The following RGS6 variants were observed in gnomAD, a reference collection of about 807,000 sequenced individuals.
RGS6 encodes the protein regulator of G protein signaling 6.
A neutral mutation model predicts 78.5 loss-of-function variants in RGS6; 30 were observed. That is an observed-to-expected ratio of 0.38 (90% confidence interval 0.29 to 0.52). RGS6 has a LOEUF of 0.52. Among genes scored for constraint, RGS6 ranks in the 20% least tolerant of loss-of-function variants. RGS6 has a pLI of 0.85. For missense variants in RGS6, 495 were observed against 609.7 expected, an observed-to-expected ratio of 0.81 and a Z score of 1.98; for synonymous variants, 206 against 206.0, an observed-to-expected ratio of 1.00 and a Z score of 0.00.
In RGS6 at chr14:72,458,266, T is replaced by C. The variant is rs759538748; in HGVS notation, c.236-5T>C. On this transcript the variant is annotated splice_region_variant and splice_polypyrimidine_tract_variant and intron_variant, in intron 4 of 17. Transcript: ENST00000553525. ...TCCTTCTCTCTCTATGCACTGTTCT[T>C]ACAGTTGAAGCAATACACTTGGGGA... 3.1e-6 allele frequency: 5 copies of C among 1,609,160 alleles called. No individual in the cohort carries two copies. The South Asian group carries it at 5.5e-5, about 18-fold the overall frequency.
At chr14:72,002,230 T>G (rs1306245819) in intron 2 of RGS6, among the ~76,000 whole-genome samples, 1 of 152,070 alleles carries the variant, frequency 6.6e-6, no homozygotes, top group Non-Finnish European at 1.5e-5. Flanking sequence ...TATTGAGAGA[T>G]AGGCACCCCA....
At chr14:72,406,165 T>A (rs1348688917) in intron 3 of RGS6, among the ~76,000 whole-genome samples, 3 of 152,164 alleles carry the variant, frequency 2.0e-5, no homozygotes, top group Admixed American at 6.5e-5. Context: ...GGCAGGCAGA[T>A]CATGAGGTCA....
intron 2 of RGS6, among the ~76,000 whole-genome samples, chr14:72,326,641 G>A (rs2073840985): frequency 6.6e-6 from 1 of 152,120 alleles, no homozygotes; most frequent in African/African-American, 2.4e-5. Context: ...TGTGCTTCCT[G>A]TACAGCCTGA....
chr14:72,234,828 G>A (rs1048256121), intron 2 of RGS6, among the ~76,000 whole-genome samples: 1 of 152,006 alleles, frequency 6.6e-6, no homozygotes, highest in Middle Eastern at 3.2e-3. Context: ...TGGTATCTTT[G>A]CATCTCACCA....
At chr14:71,899,474 A>C in the RGS6 span, among the ~76,000 whole-genome samples, 3 of 152,216 alleles carry the variant, frequency 2.0e-5, no homozygotes, top group East Asian at 5.8e-4. Context: ...CACAATGAGT[A>C]ACAAGTATGT....
chr14:72,264,840 C>T (rs1449194010), intron 2 of RGS6, among the ~76,000 whole-genome samples: 1 of 152,160 alleles, frequency 6.6e-6, no homozygotes, highest in Non-Finnish European at 1.5e-5. Context: ...ATCACGATAT[C>T]TCAGTTATCC....
chr14:72,265,589 A>T (rs1382223652), intron 2 of RGS6, among the ~76,000 whole-genome samples: 1 of 152,174 alleles, frequency 6.6e-6, no homozygotes, highest in Admixed American at 6.5e-5. Flanking sequence ...TAACTCTACC[A>T]TCACCACCTG....
At chr14:72,494,657 G>A (rs2096620781) in intron 12 of RGS6, among the ~76,000 whole-genome samples, 1 of 151,832 alleles carries the variant, frequency 6.6e-6, no homozygotes, top group Non-Finnish European at 1.5e-5. Context: ...TGCTTTTTTG[G>A]AAAAAAATGC....
chr14:72,072,694 A>G (rs768526500), intron 2 of RGS6, among the ~76,000 whole-genome samples: 6 of 152,212 alleles, frequency 3.9e-5, no homozygotes, highest in Non-Finnish European at 8.8e-5. Context: ...TTATTAGTTC[A>G]CAGGCCTTTT....
At chr14:72,171,549 C>T (rs2097018919) in intron 2 of RGS6, among the ~76,000 whole-genome samples, 2 of 152,166 alleles carry the variant, frequency 1.3e-5, no homozygotes, top group Non-Finnish European at 2.9e-5. Context: ...CACTTCTCAC[C>T]TAAAATATCT....
intron 2 of RGS6, among the ~76,000 whole-genome samples, chr14:72,054,183 G>A (rs1301798369): frequency 6.6e-6 from 1 of 152,164 alleles, no homozygotes. Context: ...AGTCCTTACA[G>A]AAATATAAAG....
intron 13 of RGS6, among the ~76,000 whole-genome samples, chr14:72,507,295 G>A (rs2096820413): frequency 6.6e-6 from 1 of 152,328 alleles, no homozygotes; most frequent in East Asian, 1.9e-4. Flanking sequence ...AACATCAGAA[G>A]TTAAGGAAAA....
At chr14:72,335,457 T>G (rs561441154) in intron 2 of RGS6, among the ~76,000 whole-genome samples, 41 of 152,268 alleles carry the variant, frequency 2.7e-4, no homozygotes, top group African/African-American at 9.9e-4. Flanking sequence ...CAAACTGACT[T>G]GCATTTTAAG....
intron 2 of RGS6, among the ~76,000 whole-genome samples, chr14:72,154,134 C>G (rs2096735153): frequency 6.6e-6 from 1 of 152,308 alleles, no homozygotes; most frequent in Admixed American, 6.5e-5. Context: ...CTCCTACTTG[C>G]ACAACCGTTT....
At chr14:72,461,540 C>A (rs895562136) in intron 6 of RGS6, among the ~76,000 whole-genome samples, 4 of 152,104 alleles carry the variant, frequency 2.6e-5, no homozygotes, top group African/African-American at 9.7e-5. Flanking sequence ...CAAGTGTTCA[C>A]CAGGGACCAG....
chr14:72,406,695 C>T (rs2239218), intron 3 of RGS6, among the ~76,000 whole-genome samples: 72,185 of 152,092 alleles, frequency 0.47, 19,089 homozygotes, highest in African/African-American at 0.71. Context: ...ATGTCTGTTA[C>T]TGACTTGCAA....
At chr14:72,352,956 CTA>C (rs2079419002) in intron 3 of RGS6, among the ~76,000 whole-genome samples, 1 of 152,134 alleles carries the variant, frequency 6.6e-6, no homozygotes, top group Non-Finnish European at 1.5e-5. Flanking sequence ...CTTAATCTGC[CTA>C]TATGCTTTTC....
At chr14:72,158,607 TC>T (rs1432199911) in intron 2 of RGS6, among the ~76,000 whole-genome samples, 1 of 152,152 alleles carries the variant, frequency 6.6e-6, no homozygotes, top group Non-Finnish European at 1.5e-5. Context: ...GTTCGTCACC[TC>T]CTGGTACCTG....
intron 2 of RGS6, among the ~76,000 whole-genome samples, chr14:71,999,152 C>T (rs748715242): frequency 6.6e-6 from 1 of 152,150 alleles, no homozygotes; most frequent in Non-Finnish European, 1.5e-5. Context: ...CTGAGGTAAG[C>T]AAATCAATTC....
Sources: allele counts gnomAD v4.1 joint callset (sites outside exome capture counted in the v4.1 genomes callset), GRCh38; gene constraint gnomAD v4.1.1; transcripts MANE v1.5; gene names NCBI Gene and HGNC (gene_info 2026-07-23, HGNC 2026-07-21).